Variants in MMAA observed in about 807,000 individuals in gnomAD.
The protein encoded by MMAA is methylmalonic aciduria type A protein, mitochondrial.
A neutral mutation model predicts 45.0 loss-of-function variants in MMAA; 41 were observed. The observed-to-expected ratio is 0.91, with a 90% CI of 0.71 to 1.18. The LOEUF (loss-of-function observed/expected upper bound fraction) is 1.18. Ranked by LOEUF, MMAA falls within the 50% of genes most tolerant of loss-of-function variation. The pLI is 0.00. For missense variants in MMAA, 460 were observed against 495.7 expected (o/e 0.93, Z 0.68); for synonymous variants, 154 against 178.2 (o/e 0.86, Z 1.08).
intron 2 of MMAA, chr4:145,639,893 A>G: frequency 1.1e-6 from 1 of 891,688 alleles, no homozygotes; most frequent in Non-Finnish European, 1.3e-6. Context: ...TTCTTTTAGT[A>G]GTCCTTCTGC....
chr4:145,624,986 T>A (rs1422440698), intron 1 of MMAA: 3 of 1,022,944 alleles, frequency 2.9e-6, no homozygotes, highest in Non-Finnish European at 4.6e-6. Flanking sequence ...GGTACAGGAG[T>A]CAGTCTTGAC....
chr4:145,652,315 C>T (rs1274216323), intron 5 of MMAA, among the ~76,000 whole-genome samples: 1 of 152,082 alleles, frequency 6.6e-6, no homozygotes, highest in African/African-American at 2.4e-5. Flanking sequence ...TGATCTCTAG[C>T]CCCTGTCCCC....
In MMAA at chr4:145,655,144, T is replaced by C; in HGVS notation, c.970-3T>C. On this transcript the variant is annotated splice_polypyrimidine_tract_variant and splice_region_variant and intron_variant, in intron 6 of 6. Coordinates refer to ENST00000649156, the MANE Select transcript of MMAA (RefSeq NM_172250.3). Reference sequence around the variant, plus strand: ...AATGGTCTGGTTCTTCCCTTTTCGATAGGTAATTCGTATTTCTGCCCGAAG... The same window carrying C: ...AATGGTCTGGTTCTTCCCTTTTCGACAGGTAATTCGTATTTCTGCCCGAAG... The C allele has an allele frequency of 6.2e-7, 1 of 1,614,014 alleles. No individual in the cohort carries two copies. Among genetic ancestry groups the C allele is most frequent in the Non-Finnish European group, 8.5e-7 (1 of 1,179,930 alleles).
At chr4:145,636,609 C>T (rs1167867937) in intron 1 of MMAA, among the ~76,000 whole-genome samples, 1 of 152,228 alleles carries the variant, frequency 6.6e-6, no homozygotes, top group South Asian at 2.1e-4. Flanking sequence ...CAAGTCCCAA[C>T]TCTGATTTTG....
intron 1 of MMAA, among the ~76,000 whole-genome samples, chr4:145,627,467 A>C (rs1734227941): frequency 6.6e-6 from 1 of 152,196 alleles, no homozygotes. Flanking sequence ...ATGAACCTAA[A>C]AAAAAAATTG....
At chr4:145,635,386 C>G (rs192181870) in intron 1 of MMAA, among the ~76,000 whole-genome samples, 3 of 152,290 alleles carry the variant, frequency 2.0e-5, no homozygotes, top group Non-Finnish European at 4.4e-5. Flanking sequence ...CTCAGAATTG[C>G]TATCCCTCTC....
intron 1 of MMAA, among the ~76,000 whole-genome samples, chr4:145,632,181 A>G (rs1727461764): frequency 6.6e-6 from 1 of 152,192 alleles, no homozygotes; most frequent in Non-Finnish European, 1.5e-5. Context: ...CATTTCTTGT[A>G]GGAAAGGTTT....
At chr4:145,628,698 T>C (rs1183106764) in intron 1 of MMAA, among the ~76,000 whole-genome samples, 1 of 152,198 alleles carries the variant, frequency 6.6e-6, no homozygotes, top group Admixed American at 6.5e-5. Context: ...ACATAACATA[T>C]TCATAGGATC....
chr4:145,639,502 G>A lies in MMAA; in HGVS notation c.363G>A (p.Val121=). Residue 121 remains valine, a synonymous_variant, in exon 2 of 7, where the codon GTG becomes GTA. Coordinates refer to ENST00000649156, the MANE Select transcript of MMAA (RefSeq NM_172250.3). ...GCAGGAAAAAGGAGTTAGCCCAGGT[G>A]CTTCTTCAGAAAGTATTACTTTACC... The part of the protein sequence containing the change: ...THSRKKELAQ[V]LLQKVLLYHR... The A allele has an allele frequency of 2.5e-6, 4 of 1,613,908 alleles. No individual in the cohort carries two copies. The highest frequency in any genetic ancestry group is 1.7e-5 in the Admixed American group (1 of 60,002).
At chr4:145,653,800 T>C (rs1363177218) in intron 5 of MMAA, among the ~76,000 whole-genome samples, 194 bp from the exon 6 acceptor site, 37 of 152,240 alleles carry the variant, frequency 2.4e-4, no homozygotes, top group Admixed American at 2.4e-3. Context: ...GGAAGAGATA[T>C]TACAGATGAC....
intron 1 of MMAA, among the ~76,000 whole-genome samples, chr4:145,627,542 T>G (rs1159785295): frequency 6.6e-6 from 1 of 152,072 alleles, no homozygotes; most frequent in Non-Finnish European, 1.5e-5. Context: ...TCTGGGAGAA[T>G]CAGTTGAGTT....
intron 1 of MMAA, among the ~76,000 whole-genome samples, chr4:145,632,784 G>T (rs1179509626): frequency 7.3e-5 from 11 of 150,740 alleles, no homozygotes; most frequent in African/African-American, 2.2e-4. Context: ...TGAGACAGGG[G>T]TCTTGCTCTG....
chr4:145,649,427 G>T (rs746750968), intron 4 of MMAA, among the ~76,000 whole-genome samples: 12 of 152,188 alleles, frequency 7.9e-5, no homozygotes, highest in Non-Finnish European at 1.3e-4. Flanking sequence ...CCATCCTCCA[G>T]TTTGCTCATG....
chr4:145,632,152 G>A (rs189101466), intron 1 of MMAA, among the ~76,000 whole-genome samples: 2 of 152,192 alleles, frequency 1.3e-5, no homozygotes, highest in African/African-American at 2.4e-5. Context: ...TTTCTTTCTT[G>A]CTGAAGTGTC....
At chr4:145,635,318 C>T (rs1206301036) in intron 1 of MMAA, among the ~76,000 whole-genome samples, 2 of 152,102 alleles carry the variant, frequency 1.3e-5, no homozygotes, top group Non-Finnish European at 2.9e-5. Context: ...GTGTGTGGTG[C>T]CAGCTGAGTT....
At chr4:145,633,935 G>A (rs1727532540) in intron 1 of MMAA, among the ~76,000 whole-genome samples, 1 of 152,204 alleles carries the variant, frequency 6.6e-6, no homozygotes, top group South Asian at 2.1e-4. Context: ...TGTCTGTTTT[G>A]AGCCACCTGG....
intron 1 of MMAA, among the ~76,000 whole-genome samples, chr4:145,636,275 C>T (rs1034206027): frequency 6.6e-6 from 1 of 152,188 alleles, no homozygotes; most frequent in African/African-American, 2.4e-5. Context: ...CTTTTCCTTT[C>T]CATTCCTTAA....
chr4:145,641,807 T>A (rs1054351356), intron 2 of MMAA, among the ~76,000 whole-genome samples: 3 of 152,178 alleles, frequency 2.0e-5, no homozygotes, highest in African/African-American at 7.2e-5. Flanking sequence ...ACTCTCCAAG[T>A]GGGGGAGTTT....
rs1728205950 is a variant in MMAA, at chr4:145,655,484, TA to T, written c.*52del. The T allele has an allele frequency of 4.7e-6, 7 of 1,500,500 alleles. No individual in the cohort carries two copies. Among genetic ancestry groups the T allele is most frequent in the Admixed American group, 1.9e-5 (1 of 53,378 alleles). The allele number at this position is 1,500,500 out of a possible 1,614,324, so 92.9% of individuals were successfully genotyped here. The stretch of plus-strand genomic sequence containing the variant: ...TTACATATCATTTCATAAAGTATTT[TA>T]ATAGAAAAATCACTTGTATGCTTAT... On this transcript the variant is annotated 3_prime_UTR_variant, in exon 7 of 7. Coordinates refer to ENST00000649156, the MANE Select transcript of MMAA (RefSeq NM_172250.3).
Sources: allele counts gnomAD v4.1 joint callset (sites outside exome capture counted in the v4.1 genomes callset), GRCh38; gene constraint gnomAD v4.1.1; transcripts MANE v1.5; gene names NCBI Gene and HGNC (gene_info 2026-07-23, HGNC 2026-07-21).